The following KLF12 variants were observed in gnomAD, a reference collection of about 807,000 sequenced individuals.
KLF12 encodes KLF transcription factor 12.
In KLF12, 9 loss-of-function variants were observed where a neutral mutation model predicts 37.8. The ratio of observed to expected loss-of-function variants is 0.24; its 90% CI spans 0.14 to 0.42. KLF12 has a LOEUF of 0.42. KLF12 is among the 10% of genes least tolerant of loss of function. The pLI is 1.00. For missense variants in KLF12, 411 were observed against 516.0 expected, an observed-to-expected ratio of 0.80 and a Z score of 1.97; for synonymous variants, 208 against 202.1, an observed-to-expected ratio of 1.03 and a Z score of -0.25.
chr13:74,112,177 A>ATT (rs1224707735), intron 1 of KLF12, among the ~76,000 whole-genome samples: 4 of 149,008 alleles, frequency 2.7e-5, no homozygotes, highest in African/African-American at 4.8e-5. Flanking sequence ...AGGGCTGTTA[A>ATT]ATAAACGTTT....
the KLF12 span, among the ~76,000 whole-genome samples, chr13:74,212,924 G>A: frequency 6.6e-6 from 1 of 151,970 alleles, no homozygotes; most frequent in Non-Finnish European, 1.5e-5. Flanking sequence ...GAAGATGGTT[G>A]ATAAGGACAT....
intron 4 of KLF12, among the ~76,000 whole-genome samples, chr13:73,833,075 A>G (rs1383403478): frequency 6.6e-6 from 1 of 152,202 alleles, no homozygotes; most frequent in Non-Finnish European, 1.5e-5. Context: ...GCAGTGGGGT[A>G]GGAGGCATAA....
At chr13:74,279,367 C>A in the KLF12 span, among the ~76,000 whole-genome samples, 2 of 152,076 alleles carry the variant, frequency 1.3e-5, no homozygotes, top group South Asian at 2.1e-4. Context: ...GACTTCCACC[C>A]TAAATGGAAG....
At chr13:74,248,673 G>C in the KLF12 span, among the ~76,000 whole-genome samples, 3 of 152,196 alleles carry the variant, frequency 2.0e-5, no homozygotes, top group Non-Finnish European at 4.4e-5. Context: ...GGGCTAACCT[G>C]ATGTTTGTGG....
intron 1 of KLF12, among the ~76,000 whole-genome samples, chr13:74,069,628 A>G (rs1171780756): frequency 1.3e-5 from 2 of 152,258 alleles, no homozygotes; most frequent in Non-Finnish European, 2.9e-5. Context: ...AAAGAGTGAC[A>G]CAATCAGACA....
At position 74,037,372 on chromosome 13, in the gene KLF12, C is replaced by T. The variant is rs188404495; in HGVS notation, c.-31-42319G>A. ...CCAGCCTGCAGTATGTCGGAAGGGA[C>T]GGATTCCCTTACAATACACACTCAC... On this transcript the variant is annotated intron_variant, in intron 1 of 7. Coordinates refer to ENST00000377669, the MANE Select transcript of KLF12 (RefSeq NM_007249.5). 3.6e-4 allele frequency among the ~76,000 whole-genome samples: 55 copies of T among 152,150 alleles called. No homozygotes were observed. The East Asian group carries it at 6.0e-3, about 17-fold the overall frequency.
rs530458085 is a variant in KLF12, at chr13:73,954,483, T to C, written c.34-10413A>G. On this transcript the variant is annotated intron_variant, in intron 2 of 7. Transcript: ENST00000377669. ...AGATTTTTACTTCATCCAAGAAAGGTTATCAAAGCACATAAAAGCATGACG... is the reference window on the plus strand; with the variant it reads ...AGATTTTTACTTCATCCAAGAAAGGCTATCAAAGCACATAAAAGCATGACG... Among the ~76,000 whole-genome samples the C allele has an allele frequency of 3.3e-5, 5 of 152,268 alleles. No homozygotes were observed. The South Asian group carries it at 8.3e-4, about 25-fold the overall frequency.
the KLF12 span, chr13:74,259,536 C>T: frequency 1.3e-5 from 2 of 152,124 alleles, no homozygotes; most frequent in East Asian, 1.9e-4. Context: ...TCACAGAAAA[C>T]ATAGTTAATC....
At chr13:73,851,512 A>G (rs1322074179) in intron 3 of KLF12, among the ~76,000 whole-genome samples, 1 of 152,198 alleles carries the variant, frequency 6.6e-6, no homozygotes, top group East Asian at 1.9e-4. Context: ...ATTTTAACTG[A>G]CTGGCCTGAT....
At chr13:73,815,762 C>T (rs895653856) in intron 4 of KLF12, among the ~76,000 whole-genome samples, 1 of 152,090 alleles carries the variant, frequency 6.6e-6, no homozygotes, top group Non-Finnish European at 1.5e-5. Flanking sequence ...ACCATTTTGT[C>T]CAAGACAACT....
chr13:73,793,659 T>C (rs927001733), intron 5 of KLF12, among the ~76,000 whole-genome samples: 2 of 151,944 alleles, frequency 1.3e-5, no homozygotes, highest in African/African-American at 4.8e-5. Context: ...TTATTGTGCC[T>C]CTTATAAATC....
the KLF12 span, among the ~76,000 whole-genome samples, chr13:74,176,700 AT>A: frequency 2.0e-5 from 3 of 151,724 alleles, no homozygotes; most frequent in Non-Finnish European, 4.4e-5. Context: ...GCCTCTTTGG[AT>A]TTTCATTTCC....
chr13:74,181,459 G>A, the KLF12 span, among the ~76,000 whole-genome samples: 1 of 151,258 alleles, frequency 6.6e-6, no homozygotes, highest in Middle Eastern at 3.4e-3. Flanking sequence ...GAGGCAGGCG[G>A]ATCACTTGAG....
chr13:73,884,797 G>A (rs915037343), intron 3 of KLF12, among the ~76,000 whole-genome samples: 1 of 152,138 alleles, frequency 6.6e-6, no homozygotes, highest in South Asian at 2.1e-4. Flanking sequence ...CACAATACTG[G>A]CCACAGAGAA....
At chr13:73,959,133 A>AAAAAAAAAAAAAAAAAAT (rs55783349) in intron 2 of KLF12, among the ~76,000 whole-genome samples, 1 of 150,790 alleles carries the variant, frequency 6.6e-6, no homozygotes, top group East Asian at 1.9e-4. Flanking sequence ...CCAAAAAAAA[A>AAAAAAAAAAAAAAAAAAT]CGCAGGCAAG....
At chr13:73,839,687 G>A (rs750441646) in intron 4 of KLF12, among the ~76,000 whole-genome samples, 22 of 152,108 alleles carry the variant, frequency 1.4e-4, no homozygotes, top group Non-Finnish European at 2.9e-4. Flanking sequence ...AAGAATTATA[G>A]AAGCAAAGTC....
intron 5 of KLF12, chr13:73,802,170 A>G (rs1227836796): frequency 1.3e-5 from 2 of 151,996 alleles, no homozygotes; most frequent in African/African-American, 4.8e-5. Flanking sequence ...GACAGAAATC[A>G]CTTTCAAAAT....
intron 4 of KLF12, among the ~76,000 whole-genome samples, chr13:73,844,388 T>G (rs1044811260): frequency 2.0e-5 from 3 of 152,204 alleles, no homozygotes; most frequent in Non-Finnish European, 2.9e-5. Flanking sequence ...ATGAAAAGTT[T>G]CCCTAATTCC....
rs1291948703 is a variant in KLF12, at chr13:74,023,177, T to C, written c.-31-28124A>G. 7.2e-5 allele frequency among the ~76,000 whole-genome samples: 11 copies of C among 152,330 alleles called. 1 individual carries two copies. The highest frequency in any genetic ancestry group is 7.2e-4 in the Admixed American group (11 of 15,306). On this transcript the variant is annotated intron_variant, in intron 1 of 7. Coordinates refer to ENST00000377669, the MANE Select transcript of KLF12 (RefSeq NM_007249.5). ...AGAACCTCTGGGGATGGGATCCTAG[T>C]ATGGAATAGCTTTCCCATAAAATGC...
Sources: allele counts gnomAD v4.1 joint callset (sites outside exome capture counted in the v4.1 genomes callset), GRCh38; gene constraint gnomAD v4.1.1; transcripts MANE v1.5; gene names NCBI Gene and HGNC (gene_info 2026-07-23, HGNC 2026-07-21).